STYX: variants seen among roughly 807,000 people sequenced by gnomAD.
STYX encodes the protein serine/threonine/tyrosine-interacting protein.
A neutral mutation model predicts 42.7 loss-of-function variants in STYX; 20 were observed. The ratio of observed to expected loss-of-function variants is 0.47; its 90% CI spans 0.33 to 0.68. The LOEUF (loss-of-function observed/expected upper bound fraction) is 0.68. Ranked by LOEUF, STYX falls within the 30% of genes least tolerant of loss-of-function variation. STYX has a pLI of 0.02. For missense variants in STYX, 226 were observed against 268.5 expected, an observed-to-expected ratio of 0.84 and a Z score of 1.11; for synonymous variants, 78 against 81.9, an observed-to-expected ratio of 0.95 and a Z score of 0.26.
intron 1 of STYX, among the ~76,000 whole-genome samples, chr14:52,743,063 T>C (rs1881257927): frequency 6.6e-6 from 1 of 151,962 alleles, no homozygotes; most frequent in Non-Finnish European, 1.5e-5. Context: ...CCCAAAGTGC[T>C]GGGATTACAG....
intron 1 of STYX, among the ~76,000 whole-genome samples, chr14:52,733,554 T>C (rs1361788740): frequency 1.3e-5 from 2 of 152,210 alleles, no homozygotes; most frequent in Non-Finnish European, 2.9e-5. Flanking sequence ...TGACTGACTG[T>C]AAATCAGGGT....
chr14:52,747,760 G>A (rs1881446360), intron 3 of STYX, among the ~76,000 whole-genome samples: 1 of 152,200 alleles, frequency 6.6e-6, no homozygotes, highest in Non-Finnish European at 1.5e-5. Context: ...GGGAGGCTGA[G>A]GCAGGCGGAT....
chr14:52,737,735 A>C (rs766639627), intron 1 of STYX, among the ~76,000 whole-genome samples: 4 of 152,194 alleles, frequency 2.6e-5, no homozygotes, highest in African/African-American at 4.8e-5. Context: ...TGGTAGAAGA[A>C]GACTATGAGC....
At chr14:52,756,675 CTTTTTTTTTTTTTTT>C (rs748826005) in intron 5 of STYX, 64 bp downstream of exon 5, 3 of 67,878 alleles carry the variant, frequency 4.4e-5, no homozygotes, top group African/African-American at 1.0e-4. Context: ...CTTAGTTGTG[CTTTTTTTTTTTTTTT>C]TTTTTTTTTT....
chr14:52,763,889 T>TC (rs1488146000), intron 9 of STYX, among the ~76,000 whole-genome samples: 1 of 152,186 alleles, frequency 6.6e-6, no homozygotes, highest in Non-Finnish European at 1.5e-5. Flanking sequence ...TTTCTTTATT[T>TC]CCCCTTTTTT....
intron 3 of STYX, among the ~76,000 whole-genome samples, chr14:52,749,261 CT>C (rs1881515524): frequency 1.3e-5 from 2 of 152,168 alleles, no homozygotes; most frequent in South Asian, 2.1e-4. Context: ...CAATCTAAAA[CT>C]GATTATCTTC....
chr14:52,755,606 A>G (rs558147528), intron 4 of STYX, among the ~76,000 whole-genome samples: 1 of 152,310 alleles, frequency 6.6e-6, no homozygotes, highest in South Asian at 2.1e-4. Flanking sequence ...TTTTTTACAA[A>G]AATAAGCTAA....
chr14:52,736,339 G>T (rs1001552036), intron 1 of STYX, among the ~76,000 whole-genome samples: 10 of 152,094 alleles, frequency 6.6e-5, no homozygotes, highest in African/African-American at 2.2e-4. Context: ...ACTTACCTTT[G>T]TAACATTTAA....
In STYX at chr14:52,732,676, AT is replaced by A. The variant is rs1457453480; in HGVS notation, c.57+2148del. Among the ~76,000 whole-genome samples the A allele has an allele frequency of 1.3e-5, 2 of 151,174 alleles. 1 individual carries two copies. Among genetic ancestry groups the A allele is most frequent in the Admixed American group, 1.3e-4 (2 of 15,184 alleles). ...ATGAAGAGTATGCTTTTATTTATTTATTTATTTTTTTGAGACGGAGTTTCAC... is the reference window on the plus strand; with the variant it reads ...ATGAAGAGTATGCTTTTATTTATTTATTATTTTTTTGAGACGGAGTTTCAC... On this transcript the variant is annotated intron_variant, in intron 1 of 10. Coordinates refer to ENST00000354586, the MANE Select transcript of STYX (RefSeq NM_145251.4).
chr14:52,758,388 C>G (rs566051058), intron 8 of STYX, among the ~76,000 whole-genome samples: 1 of 151,936 alleles, frequency 6.6e-6, no homozygotes, highest in Non-Finnish European at 1.5e-5. Flanking sequence ...GCTTCTTGCC[C>G]CAAGACAAAG....
At chr14:52,740,645 T>C (rs1881150929) in intron 1 of STYX, among the ~76,000 whole-genome samples, 1 of 152,258 alleles carries the variant, frequency 6.6e-6, no homozygotes, top group African/African-American at 2.4e-5. Flanking sequence ...GTTTTTGTCC[T>C]GCCACTATGA....
At position 52,773,111 on chromosome 14, in the gene STYX, G is replaced by A. The variant is rs1882577267; in HGVS notation, c.*2005G>A. The stretch of plus-strand genomic sequence containing the variant: ...TAGTAAGTTTAGGTTTTAAAAACTT[G>A]TTTCATAAATATACATATATCCTCT... On this transcript the variant is annotated 3_prime_UTR_variant, in exon 11 of 11. Coordinates refer to ENST00000354586, the MANE Select transcript of STYX (RefSeq NM_145251.4). The A allele has an allele frequency of 6.6e-6, 1 of 151,972 alleles. No homozygotes were observed. Among genetic ancestry groups the A allele is most frequent in the Non-Finnish European group, 1.5e-5 (1 of 67,998 alleles). 9.4% of individuals were successfully genotyped at this position (151,972 alleles called of 1,614,324 possible).
intron 8 of STYX, among the ~76,000 whole-genome samples, chr14:52,758,689 C>T (rs1471567935): frequency 6.6e-6 from 1 of 152,148 alleles, no homozygotes; most frequent in Non-Finnish European, 1.5e-5. Context: ...AATTCTCCTG[C>T]CTCAGCCTCC....
intron 9 of STYX, among the ~76,000 whole-genome samples, chr14:52,767,068 A>G (rs995214850): frequency 1.3e-5 from 2 of 152,232 alleles, no homozygotes; most frequent in African/African-American, 4.8e-5. Flanking sequence ...AAATAAGGCC[A>G]TGTAAGGAAG....
rs1012472508 is a variant in STYX, at chr14:52,733,384, G to A, written c.57+2853G>A. Among the ~76,000 whole-genome samples, 7 of 152,148 alleles carry A rather than the reference G, an allele frequency of 4.6e-5. No individual in the cohort carries two copies. In the South Asian group the frequency reaches 1.5e-3, roughly 32 times the overall value. On this transcript the variant is annotated intron_variant, in intron 1 of 10. Coordinates refer to ENST00000354586, the MANE Select transcript of STYX (RefSeq NM_145251.4). ...ATGTGTGGGGGTTTTTCCATACCAA[G>A]CAGTTTTCCAGCAGGCATGAACTGA...
chr14:52,767,647 A>G (rs1882357651), intron 9 of STYX, among the ~76,000 whole-genome samples: 1 of 152,164 alleles, frequency 6.6e-6, no homozygotes, highest in African/African-American at 2.4e-5. Flanking sequence ...GGGAAGGCTG[A>G]CAGCTTGAAT....
rs908293144 is a variant in STYX at position 52,772,336 on chromosome 14, G to A, written c.*1230G>A. 6.6e-6 allele frequency: 1 copy of A among 152,048 alleles called. No homozygotes were observed. The highest frequency in any genetic ancestry group is 1.5e-5 in the Non-Finnish European group (1 of 67,958). 9.4% of individuals were successfully genotyped at this position (152,048 alleles called of 1,614,324 possible). A position where few individuals can be genotyped will look rare whatever the true frequency, so the allele number is the denominator to read the frequency against. Reference sequence around the variant, plus strand: ...TGGGAGACTAGTGTATTTTAAATTAGCATTTTAATCCATTCTTGACATTCA... The same window carrying A: ...TGGGAGACTAGTGTATTTTAAATTAACATTTTAATCCATTCTTGACATTCA... On this transcript the variant is annotated 3_prime_UTR_variant, in exon 11 of 11. Coordinates refer to ENST00000354586, the MANE Select transcript of STYX (RefSeq NM_145251.4).
chr14:52,730,687 C>A (rs1345155270), intron 1 of STYX, among the ~76,000 whole-genome samples, 156 bp downstream of exon 1: 22 of 152,214 alleles, frequency 1.4e-4, no homozygotes, highest in Admixed American at 1.2e-3. Context: ...CGGCTCCAAT[C>A]CCCACTGAGT....
chr14:52,734,603 C>T (rs113998113), intron 1 of STYX, among the ~76,000 whole-genome samples: 160 of 152,150 alleles, frequency 1.1e-3, no homozygotes, highest in African/African-American at 3.7e-3. Flanking sequence ...AGAGAAAGAC[C>T]ATGTATTTCA....
Sources: allele counts gnomAD v4.1 joint callset (sites outside exome capture counted in the v4.1 genomes callset), GRCh38; gene constraint gnomAD v4.1.1; transcripts MANE v1.5; gene names NCBI Gene and HGNC (gene_info 2026-07-23, HGNC 2026-07-21).